The following EPX variants were observed in gnomAD, a reference collection of about 807,000 sequenced individuals.
EPX encodes the protein eosinophil peroxidase.
A neutral mutation model predicts 73.0 loss-of-function variants in EPX; 60 were observed. The observed-to-expected ratio is 0.82, with a 90% CI of 0.67 to 1.02. The LOEUF (loss-of-function observed/expected upper bound fraction) is 1.02, where lower values mean the gene tolerates loss of function less well. Among genes scored for constraint, EPX ranks in the 50% least tolerant of loss-of-function variants. The pLI is 0.00. For synonymous variants in EPX, 347 were observed against 389.2 expected, an observed-to-expected ratio of 0.89 and a Z score of 1.28; for missense variants, 950 against 973.9, an observed-to-expected ratio of 0.98 and a Z score of 0.33.
At chr17:58,204,545 AC>A (rs961281346) in intron 12 of EPX, 111 bp downstream of exon 12, 1 of 690,110 alleles carries the variant, frequency 1.4e-6, no homozygotes, top group African/African-American at 1.8e-5. Context: ...AGAACTTGTC[AC>A]TAGGTACTCT....
At chr17:58,198,403 G>T (rs1024804421) in intron 7 of EPX, among the ~76,000 whole-genome samples, 2 of 152,280 alleles carry the variant, frequency 1.3e-5, no homozygotes, top group South Asian at 4.1e-4. Context: ...GTACATTTGT[G>T]TGTCCTGGAA....
intron 5 of EPX, among the ~76,000 whole-genome samples, 172 bp downstream of exon 5, chr17:58,194,264 T>C (rs1301379273): frequency 2.6e-5 from 4 of 152,184 alleles, no homozygotes; most frequent in Non-Finnish European, 5.9e-5. Context: ...ATCTGTAAAA[T>C]GGCCCTAAAA....
At position 58,195,009 on chromosome 17, in the gene EPX, C is replaced by T. The variant is rs754178675; in HGVS notation, c.640C>T (p.Leu214=). 22 of 1,614,058 alleles carry T rather than the reference C, an allele frequency of 1.4e-5. No individual in the cohort carries two copies. Among genetic ancestry groups the T allele is most frequent in the Admixed American group, 1.0e-4 (6 of 60,010 alleles). Residue 214 remains leucine, a synonymous_variant, in exon 6 of 13, where the codon CTG becomes TTG. Transcript: ENST00000225371. ...NQIVRFPNER[L]TSDRGRALMF... is the part of the protein sequence containing the mutation. ...GATTGTGCGCTTCCCCAATGAGAGACTGACCTCCGACCGTGGCCGAGCCCT... is the reference window on the plus strand; with the variant it reads ...GATTGTGCGCTTCCCCAATGAGAGATTGACCTCCGACCGTGGCCGAGCCCT...
In EPX at chr17:58,203,246, C is replaced by CG; in HGVS notation, c.1879dup (p.Ala627GlyfsTer51). The CG allele has an allele frequency of 1.2e-6, 2 of 1,614,096 alleles. No individual in the cohort carries two copies. The highest frequency in any genetic ancestry group is 1.1e-5 in the South Asian group (1 of 91,070). On this transcript the variant is annotated frameshift_variant, in exon 11 of 13. Coordinates refer to ENST00000225371, the MANE Select transcript of EPX (RefSeq NM_000502.6). LOFTEE classifies it high-confidence loss of function. The stretch of plus-strand genomic sequence containing the variant: ...GGGGCCATCGCTGAGCCTCTTTTGC[C>CG]GGGGGCTCGAGTGGGGCCTCTTCTG...
chr17:58,203,503 C>A (rs986974111), intron 11 of EPX, among the ~76,000 whole-genome samples, 185 bp downstream of exon 11: 1 of 152,172 alleles, frequency 6.6e-6, no homozygotes, highest in African/African-American at 2.4e-5. Flanking sequence ...CTGACCCAGG[C>A]AAGGCCCATA....
At chr17:58,198,020 GAGAT>G (rs943849391) in intron 7 of EPX, among the ~76,000 whole-genome samples, 11 of 152,018 alleles carry the variant, frequency 7.2e-5, no homozygotes, top group Non-Finnish European at 1.2e-4. Context: ...ATATTTAGTG[GAGAT>G]AGAGTTTCAC....
intron 6 of EPX, among the ~76,000 whole-genome samples, chr17:58,195,733 CACACACACATGT>C (rs1329300006): frequency 6.6e-6 from 1 of 152,156 alleles, no homozygotes; most frequent in Non-Finnish European, 1.5e-5. Context: ...CGCTCCCTCT[CACACACACATGT>C]ACACACACAG....
intron 3 of EPX, 44 bp downstream of exon 3, chr17:58,193,590 G>C: frequency 6.2e-7 from 1 of 1,604,084 alleles, no homozygotes; most frequent in Non-Finnish European, 8.5e-7. Context: ...CCCTGGCCTG[G>C]AGTAGAAGGA....
chr17:58,199,223 A>G, intron 8 of EPX, 23 bp downstream of exon 8: 1 of 1,611,188 alleles, frequency 6.2e-7, no homozygotes. Flanking sequence ...GCATCCCAGC[A>G]TCCCCCAGAT....
chr17:58,193,234 A>G (rs964401959), intron 2 of EPX, 103 bp downstream of exon 2: 2 of 1,225,528 alleles, frequency 1.6e-6, no homozygotes, highest in African/African-American at 3.0e-5. Flanking sequence ...GACCCCATGA[A>G]CATTTCCTGT....
Position 58,193,388 on chromosome 17 carries a change from G to A in EPX, c.188G>A (p.Arg63His), listed in dbSNP as rs772997855. The A allele has an allele frequency of 1.2e-5, 20 of 1,614,050 alleles. No individual in the cohort carries two copies. Among genetic ancestry groups the A allele is most frequent in the Admixed American group, 1.7e-5 (1 of 60,006 alleles). ...CTGGGCAGCATCAAGCAGCGGCTTC[G>A]CAGCGGTTCAGCCAGCCCCATGGAC... ...WTQKSIKQRL[R>H]SGSASPMDLL... Residue 63 changes from arginine to histidine, a missense_variant, in exon 3 of 13, where the codon CGC becomes CAC. Arg to His is a conservative substitution (Grantham distance 29). Transcript: ENST00000225371.
At chr17:58,199,913 C>A in intron 9 of EPX, 119 bp downstream of exon 9, 1 of 1,117,648 alleles carries the variant, frequency 8.9e-7, no homozygotes, top group Non-Finnish European at 1.3e-6. Flanking sequence ...TAATATCTCC[C>A]CAGGACAGTG....
Position 58,192,755 on chromosome 17 carries a change from G to T in EPX, c.-92G>T. ...AGCTGGAGGAAGTGAGAGGTCGGCT[G>T]GGGGTCCTCAAAGTGAGAGGGGAGC... On this transcript the variant is annotated 5_prime_UTR_variant, in exon 1 of 13. Transcript: ENST00000225371. 2 of 1,095,242 alleles carry T rather than the reference G, an allele frequency of 1.8e-6. No homozygotes were observed. The highest frequency in any genetic ancestry group is 2.7e-6 in the Non-Finnish European group (2 of 733,316). The allele number at this position is 1,095,242 out of a possible 1,614,324, so 67.8% of individuals were successfully genotyped here. A position where few individuals can be genotyped will look rare whatever the true frequency, so the allele number is the denominator to read the frequency against.
At chr17:58,203,674 T>G (rs1179024679) in intron 11 of EPX, among the ~76,000 whole-genome samples, 1 of 151,988 alleles carries the variant, frequency 6.6e-6, no homozygotes, top group Non-Finnish European at 1.5e-5. Context: ...GGCTCACGCC[T>G]GTAATCCCAG....
Position 58,200,205 on chromosome 17 carries a change from C to A in EPX, c.1538-20C>A, listed in dbSNP as rs1399533302. On this transcript the variant is annotated intron_variant, in intron 9 of 12. Transcript: ENST00000225371. ...CCAGAGGCTGGTCCAATCTGTGCTG[C>A]TCACATTCCCTGCCACCAGGGGGCA... 6.2e-7 allele frequency: 1 copy of A among 1,613,232 alleles called. No individual in the cohort carries two copies. The highest frequency in any genetic ancestry group is 1.1e-5 in the South Asian group (1 of 91,080).
rs112011888 is a variant in EPX at position 58,193,258 on chromosome 17, C to T, written c.171-113C>T. 299 of 1,269,036 alleles carry T rather than the reference C, an allele frequency of 2.4e-4. 1 individual carries two copies. In the African/African-American group the frequency reaches 4.2e-3, roughly 18 times the overall value. The allele number at this position is 1,269,036 out of a possible 1,614,324, so 78.6% of individuals were successfully genotyped here. A position where few individuals can be genotyped will look rare whatever the true frequency, so the allele number is the denominator to read the frequency against. On this transcript the variant is annotated intron_variant, in intron 2 of 12. Coordinates refer to ENST00000225371, the MANE Select transcript of EPX (RefSeq NM_000502.6). Reference sequence around the variant, plus strand: ...AACATTTCCTGTTGGTAGAGCCTCCCTTCCATCCATCCTTCTGTCCGCTTG... The same window carrying T: ...AACATTTCCTGTTGGTAGAGCCTCCTTTCCATCCATCCTTCTGTCCGCTTG...
Position 58,196,984 on chromosome 17 carries a change from C to T in EPX, c.847C>T (p.Pro283Ser), listed in dbSNP as rs1165728383. The change falls in exon 7 of 13, where the codon CCT becomes TCT. Residue 283 changes from proline to serine, a missense_variant. By Grantham distance (74) the Pro-to-Ser change is moderately conservative (BLOSUM62 -1). Transcript: ENST00000225371. ...CATCAAGAACCAGCGTGACTGCATC[C>T]CTTTCTTCCGCTCGGCACCCTCATG... Reference protein sequence around the residue: ...PRIKNQRDCIPFFRSAPSCPQ... With the variant: ...PRIKNQRDCISFFRSAPSCPQ... The T allele has an allele frequency of 2.5e-6, 4 of 1,614,014 alleles. No homozygotes were observed. Among genetic ancestry groups the T allele is most frequent in the African/African-American group, 1.3e-5 (1 of 74,888 alleles).
Position 58,193,702 on chromosome 17 carries a change from G to A in EPX, c.347-12G>A. ...CAGGCCAGCTCAGGTCTGCCCATTTGCCTTCCCACAGATGTGCTAACAGAA... is the reference window on the plus strand; with the variant it reads ...CAGGCCAGCTCAGGTCTGCCCATTTACCTTCCCACAGATGTGCTAACAGAA... On this transcript the variant is annotated splice_polypyrimidine_tract_variant and intron_variant, in intron 3 of 12. Transcript: ENST00000225371. 6.2e-7 allele frequency: 1 copy of A among 1,602,406 alleles called. No individual in the cohort carries two copies. The highest frequency in any genetic ancestry group is 1.1e-5 in the South Asian group (1 of 90,770).
chr17:58,196,002 CCCTT>C (rs1283801321), intron 6 of EPX, among the ~76,000 whole-genome samples: 1 of 148,150 alleles, frequency 6.7e-6, no homozygotes, highest in African/African-American at 2.5e-5. Flanking sequence ...TTCCTTCCTT[CCCTT>C]CCTTCCTTCA....
Sources: allele counts gnomAD v4.1 joint callset (sites outside exome capture counted in the v4.1 genomes callset), GRCh38; gene constraint gnomAD v4.1.1; transcripts MANE v1.5; gene names NCBI Gene and HGNC (gene_info 2026-07-23, HGNC 2026-07-21).